STK3: variants seen among roughly 807,000 people sequenced by gnomAD.
STK3 encodes the protein serine/threonine kinase 3, also known as serine/threonine-protein kinase 3.
A neutral mutation model predicts 58.0 loss-of-function variants in STK3; 41 were observed. That is an observed-to-expected ratio of 0.71 (90% CI 0.55 to 0.92). The LOEUF (loss-of-function observed/expected upper bound fraction) is 0.92, where lower values mean the gene tolerates loss of function less well. Ranked by LOEUF, STK3 falls within the 40% of genes least tolerant of loss-of-function variation. The probability of loss-of-function intolerance (pLI) is 0.00; values close to 1 mark genes in which losing one functional copy is unlikely to be tolerated. For missense variants in STK3, 479 were observed against 602.7 expected, an observed-to-expected ratio of 0.79 and a Z score of 2.15; for synonymous variants, 170 against 191.0, an observed-to-expected ratio of 0.89 and a Z score of 0.91.
intron 10 of STK3, among the ~76,000 whole-genome samples, chr8:98,514,331 G>A (rs1236265366): frequency 3.3e-5 from 5 of 152,072 alleles, no homozygotes; most frequent in African/African-American, 1.2e-4. Flanking sequence ...AGTCAGAAAA[G>A]GGAGATTAGA....
At chr8:98,430,206 A>G (rs906334426) in intron 3 of STK3, 1 of 167,110 alleles carries the variant, frequency 6.0e-6, no homozygotes, top group Non-Finnish European at 1.5e-5. Context: ...AAGCCAAGTT[A>G]GTGCAGGCTG....
intron 1 of STK3, chr8:98,905,655 T>C: frequency 1.3e-6 from 1 of 779,144 alleles, no homozygotes; most frequent in Non-Finnish European, 2.3e-6. Context: ...AGGTTTCTGA[T>C]GAACAGCTTC....
intron 6 of STK3, among the ~76,000 whole-genome samples, chr8:98,706,100 A>T (rs1028392989): frequency 6.6e-6 from 1 of 152,066 alleles, no homozygotes; most frequent in Non-Finnish European, 1.5e-5. Flanking sequence ...CAGAGTGGGT[A>T]AAAAAGTGAG....
intron 4 of STK3, among the ~76,000 whole-genome samples, chr8:98,745,349 G>C (rs886927353): frequency 3.9e-5 from 6 of 152,024 alleles, no homozygotes; most frequent in East Asian, 1.9e-4. Context: ...TTAGCCTTTG[G>C]GGGTAGCTTT....
At chr8:98,749,604 G>C (rs969210216) in intron 3 of STK3, among the ~76,000 whole-genome samples, 5 of 152,008 alleles carry the variant, frequency 3.3e-5, no homozygotes, top group African/African-American at 1.2e-4. Flanking sequence ...TTACAAACCA[G>C]AAGAGGCCCA....
At chr8:98,445,389 AAAGT>A (rs530390976) in intron 1 of STK3, among the ~76,000 whole-genome samples, 90 of 152,288 alleles carry the variant, frequency 5.9e-4, no homozygotes, top group Non-Finnish European at 9.3e-4. Flanking sequence ...ACATTTTTTA[AAAGT>A]AAAAGAAAAA....
chr8:98,876,739 T>C (rs1837573063), intron 3 of STK3, among the ~76,000 whole-genome samples: 1 of 152,250 alleles, frequency 6.6e-6, no homozygotes, highest in Non-Finnish European at 1.5e-5. Context: ...TAATCGTTTC[T>C]AAGAAGCTGT....
At chr8:98,782,318 T>A (rs371933889) in intron 1 of STK3, 2 of 178,568 alleles carry the variant, frequency 1.1e-5, no homozygotes, top group Non-Finnish European at 2.4e-5. Flanking sequence ...CCAGAGAAGG[T>A]AACCTGGGTG....
intron 3 of STK3, among the ~76,000 whole-genome samples, chr8:98,401,709 C>T (rs912927546): frequency 6.6e-6 from 1 of 152,224 alleles, no homozygotes; most frequent in Non-Finnish European, 1.5e-5. Flanking sequence ...GGGATTTTGT[C>T]AACTTGCTCC....
At chr8:98,690,169 T>A (rs1218822505) in intron 6 of STK3, among the ~76,000 whole-genome samples, 1 of 152,016 alleles carries the variant, frequency 6.6e-6, no homozygotes, top group Non-Finnish European at 1.5e-5. Flanking sequence ...TTCCTATCCA[T>A]TATGTCACTG....
chr8:98,932,181 AG>A (rs1171197754), intron 1 of STK3, among the ~76,000 whole-genome samples: 1 of 152,276 alleles, frequency 6.6e-6, no homozygotes, highest in East Asian at 1.9e-4. Context: ...AGCCAATGAA[AG>A]GGGAAAAAAA....
At chr8:98,571,929 T>C (rs1813000940) in intron 8 of STK3, among the ~76,000 whole-genome samples, 1 of 152,170 alleles carries the variant, frequency 6.6e-6, no homozygotes, top group Non-Finnish European at 1.5e-5. Flanking sequence ...TCCTTATCAG[T>C]CTTTTAAAGT....
intron 1 of STK3, among the ~76,000 whole-genome samples, chr8:98,384,706 A>G (rs1817772537): frequency 6.6e-6 from 1 of 152,130 alleles, no homozygotes; most frequent in Non-Finnish European, 1.5e-5. Flanking sequence ...CCAAGTTCTC[A>G]ATCTTCCTCC....
At chr8:98,757,250 G>A (rs1447368559) in intron 3 of STK3, among the ~76,000 whole-genome samples, 1 of 150,290 alleles carries the variant, frequency 6.7e-6, no homozygotes, top group Non-Finnish European at 1.5e-5. Flanking sequence ...GCGCGATCTC[G>A]GCTCACTGCA....
chr8:98,346,023 C>T, the STK3 span, among the ~76,000 whole-genome samples: 2 of 152,078 alleles, frequency 1.3e-5, no homozygotes, highest in African/African-American at 4.8e-5. Flanking sequence ...TGGGTGCTCA[C>T]ACCTGTAATC....
chr8:98,373,697 C>T (rs1281812713), intron 2 of STK3, among the ~76,000 whole-genome samples: 1 of 152,212 alleles, frequency 6.6e-6, no homozygotes, highest in Non-Finnish European at 1.5e-5. Flanking sequence ...GAAATTCCTT[C>T]TGCCCAAAGA....
At chr8:98,816,025 T>G (rs928255565) in intron 1 of STK3, among the ~76,000 whole-genome samples, 6 of 152,086 alleles carry the variant, frequency 3.9e-5, no homozygotes, top group African/African-American at 1.4e-4. Context: ...GGATCGAACT[T>G]GAGTCTGCTC....
chr8:98,871,532 G>T (rs532041996), intron 3 of STK3, among the ~76,000 whole-genome samples: 1 of 152,160 alleles, frequency 6.6e-6, no homozygotes, highest in Non-Finnish European at 1.5e-5. Context: ...GCAGTGGTTT[G>T]TAGTTCTCCT....
chr8:98,755,938 G>A (rs569427779), intron 3 of STK3, among the ~76,000 whole-genome samples: 31 of 152,112 alleles, frequency 2.0e-4, no homozygotes, highest in African/African-American at 7.2e-4. Context: ...TCAAGAGATC[G>A]AGACCATCCT....
Sources: gnomAD v4.1 joint callset for allele counts (sites outside exome capture counted in the v4.1 genomes callset) on GRCh38, gnomAD v4.1.1 for gene constraint, MANE v1.5 for transcripts, NCBI Gene and HGNC (gene_info 2026-07-23, HGNC 2026-07-21) for gene names.